Variants in PITPNM2 observed in about 807,000 individuals in gnomAD.
PITPNM2 encodes the protein phosphatidylinositol transfer protein membrane associated 2, also known as membrane-associated phosphatidylinositol transfer protein 2.
A neutral mutation model predicts 132.2 loss-of-function variants in PITPNM2; 35 were observed. That is an observed-to-expected ratio of 0.26 (90% CI 0.20 to 0.35). PITPNM2 has a LOEUF of 0.35. PITPNM2 is among the 10% of genes least tolerant of loss of function. The pLI is 1.00. For missense variants in PITPNM2, 1,332 were observed against 1,912.0 expected (o/e 0.70, Z 5.66); for synonymous variants, 738 against 799.2 (o/e 0.92, Z 1.29).
Position 123,001,089 on chromosome 12 carries a change from T to A in PITPNM2, c.1118A>T (p.Asp373Val). The part of the protein sequence containing the change: ...ITKWSSNDLM[D>V]KIESPEPEDT... ...TTCCGGCTCTGGGCTCTCGATCTTG[T>A]CCATGAGGTCATTGGAGCTCCACTT... is the stretch of plus-strand genomic sequence containing the variant. Residue 373 changes from aspartate (D) to valine (V), a missense_variant, in exon 9 of 26, where the codon GAC (aspartate) becomes GTC (valine). Asp to Val is a radical substitution (Grantham distance 152). Coordinates refer to ENST00000320201, the MANE Select transcript of PITPNM2 (RefSeq NM_020845.3). 1 of 1,614,198 alleles carries A rather than the reference T, an allele frequency of 6.2e-7. No individual in the cohort carries two copies. Among genetic ancestry groups the A allele is most frequent in the Non-Finnish European group, 8.5e-7 (1 of 1,180,026 alleles).
At chr12:123,088,286 C>T (rs2042167845) in intron 2 of PITPNM2, 2 of 152,174 alleles carry the variant, frequency 1.3e-5, no homozygotes, top group Admixed American at 1.3e-4. Flanking sequence ...ACAAAGAGGT[C>T]CTTTCTGACC....
intron 1 of PITPNM2, among the ~76,000 whole-genome samples, chr12:123,123,628 A>AAAATT (rs1213761495): frequency 1.3e-5 from 2 of 152,104 alleles, no homozygotes; most frequent in Non-Finnish European, 2.9e-5. Context: ...AAAACAAAAA[A>AAAATT]AAATTAAATT....
intron 2 of PITPNM2, among the ~76,000 whole-genome samples, chr12:123,104,576 G>T (rs577052912): frequency 5.3e-5 from 8 of 151,866 alleles, no homozygotes; most frequent in African/African-American, 7.3e-5. Flanking sequence ...GGCTCAAAAA[G>T]CTCCCCCACT....
At chr12:123,080,511 TCCACTAAAGCAATGCTCC>T (rs1411149817) in intron 2 of PITPNM2, among the ~76,000 whole-genome samples, 1 of 152,216 alleles carries the variant, frequency 6.6e-6, no homozygotes, top group Non-Finnish European at 1.5e-5. Context: ...ACCCTGCCTT[TCCACTAAAGCAATGCTCC>T]CCATGGGTGA....
intron 20 of PITPNM2, 149 bp from the exon 21 acceptor site, chr12:122,988,050 C>A: frequency 1.1e-6 from 1 of 937,010 alleles, no homozygotes; most frequent in Non-Finnish European, 1.7e-6. Context: ...GATGACGTGG[C>A]TTTGGAGAAA....
intron 2 of PITPNM2, among the ~76,000 whole-genome samples, chr12:123,062,229 C>A (rs2041263612): frequency 1.3e-5 from 2 of 152,284 alleles, no homozygotes; most frequent in East Asian, 1.9e-4. Flanking sequence ...CCAGCGCCTG[C>A]ACTTCTCATC....
rs201800122 is a variant in PITPNM2 at position 122,996,733 on chromosome 12, G to A, written c.1650C>T (p.Thr550=). ...GDFIKSQEGM[T]FNGQVCLIGD... is the part of the protein sequence containing the mutation. ...CCCCGGGACTCACCTGCCCATTGAA[G>A]GTCATGCCCTCCTGGGACTTGATGA... Residue 550 remains threonine (T), a synonymous_variant, in exon 12 of 26, where the codon ACC becomes ACT. Coordinates refer to ENST00000320201, the MANE Select transcript of PITPNM2 (RefSeq NM_020845.3). 4 of 1,611,510 alleles carry A rather than the reference G, an allele frequency of 2.5e-6. No individual in the cohort carries two copies. The highest frequency in any genetic ancestry group is 2.2e-5 in the East Asian group (1 of 44,886).
At chr12:123,086,585 T>C (rs1387359869) in intron 2 of PITPNM2, among the ~76,000 whole-genome samples, 2 of 152,178 alleles carry the variant, frequency 1.3e-5, no homozygotes, top group African/African-American at 4.8e-5. Flanking sequence ...CTTCTCAGCA[T>C]GTGAATTAAC....
intron 10 of PITPNM2, among the ~76,000 whole-genome samples, chr12:122,998,146 C>T (rs1167562084): frequency 6.6e-6 from 1 of 152,232 alleles, no homozygotes; most frequent in Non-Finnish European, 1.5e-5. Context: ...AAGCTCTCCC[C>T]CAAGTCATTC....
Position 123,123,622 on chromosome 12 carries a change from C to CA in PITPNM2, c.-199-13135dup, listed in dbSNP as rs567606370. On this transcript the variant is annotated intron_variant, in intron 1 of 25. Transcript: ENST00000320201. ...CAAACCCTCTCTCTCTCAAAAAAAA[C>CA]AAAAAAAAATTAAATTAAATTAAAT... 3.2e-4 allele frequency among the ~76,000 whole-genome samples: 48 copies of CA among 150,180 alleles called. No individual in the cohort carries two copies. In the South Asian group the frequency reaches 7.2e-3, roughly 22 times the overall value.
intron 2 of PITPNM2, among the ~76,000 whole-genome samples, chr12:123,098,606 G>A (rs1413472037): frequency 2.0e-5 from 3 of 152,142 alleles, no homozygotes; most frequent in African/African-American, 7.2e-5. Context: ...AGCTACTCCA[G>A]AGGCATAGGC....
At position 123,064,351 on chromosome 12, in the gene PITPNM2, T is replaced by C. The variant is rs1225207870; in HGVS notation, c.-95-29666A>G. Among the ~76,000 whole-genome samples the C allele has an allele frequency of 6.6e-6, 1 of 151,910 alleles. No individual in the cohort carries two copies. The highest frequency in any genetic ancestry group is 2.4e-5 in the African/African-American group (1 of 41,334). On this transcript the variant is annotated intron_variant, in intron 2 of 25. Transcript: ENST00000320201. This position sits in a 1 kb window ranked among gnomAD's most constrained non-coding sequence, Gnocchi z 4.0. ...TGGGCCCAGGGTGACACCAAACCGA[T>C]CCCAACCAGCACCCCAAGGCCTGCA...
chr12:123,007,869 G>A (rs1027499904), intron 6 of PITPNM2, among the ~76,000 whole-genome samples: 2 of 152,088 alleles, frequency 1.3e-5, no homozygotes, highest in Admixed American at 1.3e-4. Context: ...CAACCCCCAG[G>A]AGTTGCCTCC....
intron 1 of PITPNM2, among the ~76,000 whole-genome samples, chr12:123,125,044 A>C (rs2043110517): frequency 6.6e-6 from 1 of 152,058 alleles, no homozygotes; most frequent in South Asian, 2.1e-4. Flanking sequence ...TGCAGCCTTG[A>C]TCTCTTGGGC....
intron 14 of PITPNM2, 58 bp from the exon 15 acceptor site, chr12:122,995,037 GAC>G: frequency 4.7e-6 from 7 of 1,481,844 alleles, no homozygotes; most frequent in Non-Finnish European, 6.3e-6. Context: ...CATCTGCCAC[GAC>G]ACTGCTGGTG....
At chr12:123,148,051 A>G (rs2043653935) in intron 1 of PITPNM2, among the ~76,000 whole-genome samples, 1 of 152,218 alleles carries the variant, frequency 6.6e-6, no homozygotes, top group African/African-American at 2.4e-5. Flanking sequence ...GCCTTTAGAA[A>G]GGGGAAAATG....
intron 2 of PITPNM2, among the ~76,000 whole-genome samples, chr12:123,096,846 C>T (rs1160119166): frequency 5.3e-5 from 8 of 152,066 alleles, no homozygotes; most frequent in Admixed American, 1.3e-4. Flanking sequence ...GGCAGGCTGG[C>T]CATAGAATCC....
chr12:123,100,643 C>T (rs1445478252), intron 2 of PITPNM2, among the ~76,000 whole-genome samples: 1 of 151,366 alleles, frequency 6.6e-6, no homozygotes, highest in Admixed American at 6.6e-5. Flanking sequence ...AAAAAAAAAT[C>T]ATGCAGCACT....
chr12:123,037,568 C>T (rs1203545918), intron 2 of PITPNM2, among the ~76,000 whole-genome samples: 1 of 152,164 alleles, frequency 6.6e-6, no homozygotes, highest in African/African-American at 2.4e-5. Flanking sequence ...ATAACATGGT[C>T]AGACACAGAC....
Sources: gnomAD v4.1 joint callset for allele counts (sites outside exome capture counted in the v4.1 genomes callset) on GRCh38, gnomAD v4.1.1 for gene constraint, Gnocchi (gnomAD v3.1) non-coding constraint, MANE v1.5 for transcripts, NCBI Gene and HGNC (gene_info 2026-07-23, HGNC 2026-07-21) for gene names.